SIPA1L1: variants seen among roughly 807,000 people sequenced by gnomAD.
SIPA1L1 encodes the protein signal induced proliferation associated 1 like 1.
In SIPA1L1, 26 loss-of-function variants were observed where a neutral mutation model predicts 162.7. The observed-to-expected ratio is 0.16, with a 90% CI of 0.12 to 0.22. SIPA1L1 has a LOEUF of 0.22. Ranked by LOEUF, SIPA1L1 falls within the 10% of genes least tolerant of loss-of-function variation. The probability of loss-of-function intolerance (pLI) is 1.00; values close to 1 mark genes in which losing one functional copy is unlikely to be tolerated. For missense variants in SIPA1L1, 1,874 were observed against 2,241.0 expected, an observed-to-expected ratio of 0.84 and a Z score of 3.31; for synonymous variants, 829 against 837.4, an observed-to-expected ratio of 0.99 and a Z score of 0.17.
intron 2 of SIPA1L1, among the ~76,000 whole-genome samples, chr14:71,466,392 C>A (rs144471679): frequency 6.6e-6 from 1 of 152,200 alleles, no homozygotes; most frequent in East Asian, 1.9e-4. Context: ...TGGTGTTGCC[C>A]ACACTGCAAA....
At chr14:71,323,781 G>A (rs2033450279) in intron 2 of SIPA1L1, among the ~76,000 whole-genome samples, 1 of 152,130 alleles carries the variant, frequency 6.6e-6, no homozygotes. Context: ...TCTGGCAGGT[G>A]CACTTTTGGT....
At chr14:71,417,880 T>TTG (rs1452976905) in intron 2 of SIPA1L1, among the ~76,000 whole-genome samples, 4 of 152,228 alleles carry the variant, frequency 2.6e-5, no homozygotes, top group African/African-American at 9.6e-5. Context: ...TGGCTGTGAC[T>TTG]AGTTTGAATT....
At chr14:71,694,961 T>C (rs2081516134) in intron 13 of SIPA1L1, among the ~76,000 whole-genome samples, 2 of 152,128 alleles carry the variant, frequency 1.3e-5, no homozygotes, top group South Asian at 4.1e-4. Context: ...TGTGAGCCAA[T>C]GTGAGAGGTA....
At chr14:71,446,894 GTTTTTTTTTTTGTTTTTT>G (rs1193445814) in intron 2 of SIPA1L1, among the ~76,000 whole-genome samples, 450 of 87,406 alleles carry the variant, frequency 5.1e-3, no homozygotes, top group Middle Eastern at 8.3e-3. Context: ...GATGGGCTCT[GTTTTTTTTTTTGTTTTTT>G]TTTTTTTTTT....
Position 71,730,091 on chromosome 14 carries a change from A to G in SIPA1L1, c.4651A>G (p.Ser1551Gly), listed in dbSNP as rs1271824456. 7 of 1,613,972 alleles carry G rather than the reference A, an allele frequency of 4.3e-6. No individual in the cohort carries two copies. Among genetic ancestry groups the G allele is most frequent in the Non-Finnish European group, 5.9e-6 (7 of 1,180,014 alleles). ...ALSSPQSPFP[S>G]TPTSRRALHR... is the part of the protein sequence containing the mutation. ...CTCCTCTCCTCAGTCTCCTTTCCCC[A>G]GCACCCCCACCTCACGGCGGGCCTT... The change falls in exon 20 of 24, where the codon AGC becomes GGC. Residue 1551 changes from serine (S) to glycine (G), a missense_variant. Around this residue, in one of 5 missense-constraint regions of SIPA1L1, gnomAD observed 936 missense variants for 1,051.9 expected, o/e 0.89. Transcript: ENST00000381232.
intron 7 of SIPA1L1, among the ~76,000 whole-genome samples, chr14:71,640,141 T>C (rs2041562856): frequency 6.6e-6 from 1 of 152,180 alleles, no homozygotes; most frequent in African/African-American, 2.4e-5. Flanking sequence ...TGATCTCAAG[T>C]GATCTGCCCA....
rs563966802 is a variant in SIPA1L1, at chr14:71,596,142, C to A, written c.1498+6772C>A. Among the ~76,000 whole-genome samples, 3 of 152,192 alleles carry A rather than the reference C, an allele frequency of 2.0e-5. No individual in the cohort carries two copies. In the East Asian group the frequency reaches 5.8e-4, roughly 29 times the overall value. ...TTCGCAGAGAAAGGCTTCAGTCCTT[C>A]AAAGGAAAGAGGAGACAAAGGAAGA... On this transcript the variant is annotated intron_variant, in intron 5 of 23. Transcript: ENST00000381232.
intron 4 of SIPA1L1, among the ~76,000 whole-genome samples, chr14:71,563,260 A>G (rs2056933789): frequency 6.7e-6 from 1 of 149,054 alleles, no homozygotes. Flanking sequence ...TTATCATAGC[A>G]TCTAGCTTGA....
intron 2 of SIPA1L1, chr14:71,330,619 G>A (rs1300481760): frequency 2.1e-6 from 2 of 950,372 alleles, no homozygotes; most frequent in Admixed American, 1.7e-5. Context: ...CAGTGTGATG[G>A]TTTGGGGCGG....
chr14:71,466,030 C>T (rs901413393), intron 2 of SIPA1L1, among the ~76,000 whole-genome samples: 2 of 152,170 alleles, frequency 1.3e-5, no homozygotes, highest in Non-Finnish European at 2.9e-5. Flanking sequence ...AAATGTTAAT[C>T]TTTTTTGGCA....
At chr14:71,695,268 G>A (rs1046715957) in intron 13 of SIPA1L1, among the ~76,000 whole-genome samples, 2 of 152,186 alleles carry the variant, frequency 1.3e-5, no homozygotes, top group East Asian at 3.8e-4. Context: ...CATTCCATCA[G>A]TTGCTCTATG....
intron 19 of SIPA1L1, among the ~76,000 whole-genome samples, chr14:71,727,641 C>T (rs1453115089): frequency 6.6e-6 from 1 of 152,176 alleles, no homozygotes; most frequent in Non-Finnish European, 1.5e-5. Flanking sequence ...TCTGAAATCC[C>T]TTCCAGGTGT....
intron 4 of SIPA1L1, among the ~76,000 whole-genome samples, chr14:71,559,697 A>G (rs1260688314): frequency 6.6e-6 from 1 of 152,224 alleles, no homozygotes; most frequent in Non-Finnish European, 1.5e-5. Context: ...AACCTGATCT[A>G]TGGTTGTGAA....
chr14:71,684,647 G>A (rs1408761150), intron 12 of SIPA1L1, among the ~76,000 whole-genome samples: 2 of 152,208 alleles, frequency 1.3e-5, no homozygotes, highest in Non-Finnish European at 2.9e-5. Flanking sequence ...GCAGTGGTGG[G>A]GGTGTGAAGC....
chr14:71,585,598 G>A (rs937841498), intron 4 of SIPA1L1, among the ~76,000 whole-genome samples: 1 of 152,164 alleles, frequency 6.6e-6, no homozygotes, highest in African/African-American at 2.4e-5. Flanking sequence ...CAGCTGTGCA[G>A]TAAAGTATTT....
At chr14:71,736,932 G>T (rs941166659) in intron 22 of SIPA1L1, among the ~76,000 whole-genome samples, 6 of 152,214 alleles carry the variant, frequency 3.9e-5, no homozygotes, top group Non-Finnish European at 7.3e-5. Context: ...GGATACCACT[G>T]CTGCCCGGCC....
At chr14:71,376,406 A>G (rs1043508304) in intron 2 of SIPA1L1, among the ~76,000 whole-genome samples, 1 of 151,764 alleles carries the variant, frequency 6.6e-6, no homozygotes, top group African/African-American at 2.4e-5. Context: ...GGCTTTTACA[A>G]TTATTAGAAA....
rs939457989 is a variant in SIPA1L1 at position 71,740,669 on chromosome 14, A to G, written c.*1508A>G. 3 of 151,866 alleles carry G rather than the reference A, an allele frequency of 2.0e-5. No homozygotes were observed. Among genetic ancestry groups the G allele is most frequent in the African/African-American group, 7.3e-5 (3 of 41,308 alleles). The allele number at this position is 151,866 out of a possible 1,614,324, so 9.4% of individuals were successfully genotyped here. A position where few individuals can be genotyped will look rare whatever the true frequency, so the allele number is the denominator to read the frequency against. ...CTGCTACATTCACTACCAGATTTTT[A>G]TGCTACAGTTTCATTCTTGATTGTG... On this transcript the variant is annotated 3_prime_UTR_variant, in exon 24 of 24. Coordinates refer to ENST00000381232, the MANE Select transcript of SIPA1L1 (RefSeq NM_001386936.1).
At chr14:71,637,855 C>T (rs1364466665) in intron 7 of SIPA1L1, among the ~76,000 whole-genome samples, 2 of 152,094 alleles carry the variant, frequency 1.3e-5, no homozygotes, top group African/African-American at 4.8e-5. Context: ...CTCATGAATA[C>T]AGGGGTACTA....
Sources: allele counts gnomAD v4.1 joint callset (sites outside exome capture counted in the v4.1 genomes callset), GRCh38; gene constraint gnomAD v4.1.1; regional missense constraint gnomAD v4.1.1; transcripts MANE v1.5; gene names NCBI Gene and HGNC (gene_info 2026-07-23, HGNC 2026-07-21).